The following EFHC1 variants were observed in gnomAD, a reference collection of about 807,000 sequenced individuals.
EFHC1 encodes the protein EF-hand domain-containing protein 1.
EFHC1 carries 53 observed loss-of-function variants against 69.9 expected under a neutral mutation model. The ratio of observed to expected loss-of-function variants is 0.76; its 90% CI spans 0.61 to 0.95. The LOEUF (loss-of-function observed/expected upper bound fraction) is 0.95. Among genes scored for constraint, EFHC1 ranks in the 40% least tolerant of loss-of-function variants. The pLI is 0.00. For missense variants in EFHC1, 739 were observed against 798.7 expected (o/e 0.93, Z 0.90); for synonymous variants, 256 against 278.4 (o/e 0.92, Z 0.80).
rs1443948666 is a variant in EFHC1 at position 52,492,940 on chromosome 6, G to A, written c.*599G>A. On this transcript the variant is annotated 3_prime_UTR_variant, in exon 11 of 11. Transcript: ENST00000371068. ...CCTCAGATATTTCATTATTCTGGGG[G>A]TTTCTCTGAAGGTATTTTTCGATGA... 1 of 454,072 alleles carries A rather than the reference G, an allele frequency of 2.2e-6. No homozygotes were observed. 28.1% of individuals were successfully genotyped at this position (454,072 alleles called of 1,614,324 possible). A position where few individuals can be genotyped will look rare whatever the true frequency, so the allele number is the denominator to read the frequency against.
chr6:52,475,071 C>A (rs1765518664), intron 7 of EFHC1, among the ~76,000 whole-genome samples: 1 of 150,714 alleles, frequency 6.6e-6, no homozygotes, highest in Non-Finnish European at 1.5e-5. Flanking sequence ...TAAAAGAAAG[C>A]CAACAGAACT....
intron 6 of EFHC1, among the ~76,000 whole-genome samples, chr6:52,466,053 TAA>T (rs1249999507): frequency 1.3e-5 from 2 of 151,810 alleles, no homozygotes; most frequent in African/African-American, 4.8e-5. Context: ...TATAAAAAAA[TAA>T]AGTGTGAGGA....
intron 7 of EFHC1, among the ~76,000 whole-genome samples, chr6:52,469,891 T>C (rs761121980): frequency 6.6e-6 from 1 of 152,172 alleles, no homozygotes; most frequent in Non-Finnish European, 1.5e-5. Context: ...TTGCCTGATA[T>C]CTTGAGAGGT....
chr6:52,454,292 G>A lies in EFHC1; in HGVS notation c.916+5G>A. On this transcript the variant is annotated splice_donor_5th_base_variant and intron_variant, in intron 5 of 10. Transcript: ENST00000371068. ...AAGTTTTGGTGGAAAATGCAAGTAT[G>A]TTTGATTCAGTTTATTCTCTGTTAC... is the stretch of plus-strand genomic sequence containing the variant. 2 of 1,613,996 alleles carry A rather than the reference G, an allele frequency of 1.2e-6. No individual in the cohort carries two copies. Among genetic ancestry groups the A allele is most frequent in the Middle Eastern group, 1.7e-4 (1 of 6,058 alleles).
intron 5 of EFHC1, among the ~76,000 whole-genome samples, chr6:52,459,904 G>C (rs912602928): frequency 2.0e-4 from 30 of 152,268 alleles, no homozygotes; most frequent in African/African-American, 5.8e-4. Flanking sequence ...TCGATCTCCT[G>C]ACCTCGTGAT....
In EFHC1 at chr6:52,444,024, C is replaced by G. The variant is rs568280944; in HGVS notation, c.573+5433C>G. On this transcript the variant is annotated intron_variant, in intron 3 of 10. Transcript: ENST00000371068. ...TTCATGTCCCTTGTAAGTTGGATTCCTAGGCATTTTATTCTCTTTGAAGCA... is the reference window on the plus strand; with the variant it reads ...TTCATGTCCCTTGTAAGTTGGATTCGTAGGCATTTTATTCTCTTTGAAGCA... Among the ~76,000 whole-genome samples the G allele has an allele frequency of 2.0e-3, 304 of 152,200 alleles. 1 individual carries two copies. Among genetic ancestry groups the G allele is most frequent in the Middle Eastern group, 3.4e-3 (1 of 294 alleles).
rs760785502 is a variant in EFHC1, at chr6:52,479,183, A to G, written c.1425A>G (p.Pro475=). 2 of 1,614,170 alleles carry G rather than the reference A, an allele frequency of 1.2e-6. No individual in the cohort carries two copies. Among genetic ancestry groups the G allele is most frequent in the Non-Finnish European group, 1.7e-6 (2 of 1,180,004 alleles). The part of the protein sequence containing the change: ...KYLGRTKVVK[P]YSTVDNPVYY... The stretch of plus-strand genomic sequence containing the variant: ...TTGGCAGGACTAAAGTTGTTAAACC[A>G]TACTCTACAGTGGACAACCCTGTCT... The change falls in exon 8 of 11, where the codon CCA becomes CCG. Residue 475 remains proline (P), a synonymous_variant. Coordinates refer to ENST00000371068, the MANE Select transcript of EFHC1 (RefSeq NM_018100.4).
intron 3 of EFHC1, among the ~76,000 whole-genome samples, chr6:52,449,913 T>G (rs1764878231): frequency 6.6e-6 from 1 of 152,216 alleles, no homozygotes; most frequent in African/African-American, 2.4e-5. Context: ...GTTGTTAATT[T>G]GAGATGTAAC....
intron 7 of EFHC1, among the ~76,000 whole-genome samples, chr6:52,477,200 T>C (rs1330094594): frequency 6.6e-6 from 1 of 151,994 alleles, no homozygotes; most frequent in East Asian, 1.9e-4. Flanking sequence ...AGAGGAGTGA[T>C]ATGATTTGAT....
At chr6:52,456,330 C>T (rs1765043844) in intron 5 of EFHC1, among the ~76,000 whole-genome samples, 1 of 152,134 alleles carries the variant, frequency 6.6e-6, no homozygotes, top group Non-Finnish European at 1.5e-5. Context: ...TAATTTTGGC[C>T]TTTCAGAATG....
chr6:52,422,063 G>T (rs1368969271), intron 1 of EFHC1, among the ~76,000 whole-genome samples: 2 of 152,182 alleles, frequency 1.3e-5, no homozygotes, highest in African/African-American at 4.8e-5. Flanking sequence ...GTGAAGGACT[G>T]AATATGTATT....
chr6:52,452,914 G>A, intron 4 of EFHC1, 77 bp downstream of exon 4: 1 of 1,608,088 alleles, frequency 6.2e-7, no homozygotes, highest in East Asian at 2.2e-5. Context: ...GGTTTGGGTA[G>A]CTGTATTGGT....
At chr6:52,479,384 A>G (rs938492991) in intron 8 of EFHC1, 134 bp downstream of exon 8, 52 of 1,075,478 alleles carry the variant, frequency 4.8e-5, no homozygotes, top group Non-Finnish European at 6.9e-5. Flanking sequence ...CCTTGTATAT[A>G]TGGTATAATG....
At chr6:52,470,674 A>C (rs1038154607) in intron 7 of EFHC1, among the ~76,000 whole-genome samples, 1 of 152,222 alleles carries the variant, frequency 6.6e-6, no homozygotes, top group Non-Finnish European at 1.5e-5. Flanking sequence ...TATTCTTTTG[A>C]TGAAGAACCA....
intron 9 of EFHC1, 188 bp downstream of exon 9, chr6:52,479,975 G>C: frequency 1.1e-6 from 1 of 910,888 alleles, no homozygotes; most frequent in Admixed American, 2.4e-5. Context: ...AACTTCATTT[G>C]TTTAGCAAAT....
At chr6:52,441,875 T>C (rs1306720436) in intron 3 of EFHC1, among the ~76,000 whole-genome samples, 1 of 152,096 alleles carries the variant, frequency 6.6e-6, no homozygotes, top group Non-Finnish European at 1.5e-5. Flanking sequence ...GTAAATGGGA[T>C]TGTGTTCCTG....
At chr6:52,434,671 C>CT (rs1764491653) in intron 2 of EFHC1, among the ~76,000 whole-genome samples, 1 of 152,164 alleles carries the variant, frequency 6.6e-6, no homozygotes, top group South Asian at 2.1e-4. Flanking sequence ...CTCTGCCCGT[C>CT]TGAGTGGGAG....
At chr6:52,436,639 CT>C (rs1310438562) in intron 2 of EFHC1, among the ~76,000 whole-genome samples, 1 of 152,044 alleles carries the variant, frequency 6.6e-6, no homozygotes, top group Non-Finnish European at 1.5e-5. Context: ...TTGTTTTATG[CT>C]TTTTATTTTT....
At chr6:52,435,883 G>A (rs897452565) in intron 2 of EFHC1, among the ~76,000 whole-genome samples, 6 of 152,166 alleles carry the variant, frequency 3.9e-5, no homozygotes, top group Admixed American at 6.5e-5. Flanking sequence ...TTGGAACCAC[G>A]ATAGCATTTG....
Sources: gnomAD v4.1 joint callset for allele counts (sites outside exome capture counted in the v4.1 genomes callset) on GRCh38, gnomAD v4.1.1 for gene constraint, MANE v1.5 for transcripts, NCBI Gene and HGNC (gene_info 2026-07-23, HGNC 2026-07-21) for gene names.